The following ADGRE3 variants were observed in gnomAD, a reference collection of about 807,000 sequenced individuals.
ADGRE3 encodes the protein EGF-like module receptor 3.
A neutral mutation model predicts 80.1 loss-of-function variants in ADGRE3; 88 were observed. The observed-to-expected ratio is 1.10, with a 90% CI of 0.93 to 1.31. ADGRE3 has a LOEUF of 1.31. ADGRE3 is among the 40% of genes most tolerant of loss of function. The pLI, the probability that ADGRE3 is intolerant of heterozygous loss-of-function variation, is 0.00. For missense variants in ADGRE3, 715 were observed against 776.5 expected (o/e 0.92, Z 0.94); for synonymous variants, 281 against 294.8 (o/e 0.95, Z 0.48).
chr19:14,637,880 G>A (rs753027949), intron 11 of ADGRE3, among the ~76,000 whole-genome samples: 18 of 151,908 alleles, frequency 1.2e-4, no homozygotes, highest in South Asian at 2.1e-4. Context: ...GGATTGGTAC[G>A]TTACTGTGCA....
At chr19:14,641,739 G>A in intron 9 of ADGRE3, 123 bp from the exon 10 acceptor site, 1 of 1,181,378 alleles carries the variant, frequency 8.5e-7, no homozygotes, top group Non-Finnish European at 1.2e-6. Context: ...CCGTTAGACT[G>A]CTAATGTAGA....
In ADGRE3 at chr19:14,625,480, TG is replaced by T. The variant is rs1299694338; in HGVS notation, c.1920+11del. On this transcript the variant is annotated intron_variant, in intron 15 of 15. Coordinates refer to ENST00000253673, the MANE Select transcript of ADGRE3 (RefSeq NM_032571.5). Reference sequence around the variant, plus strand: ...ATGTAAAACATTAGAACAATTCAGATGTTTCACTTACCTCACTGGGTTTTGA... The same window carrying T: ...ATGTAAAACATTAGAACAATTCAGATTTTCACTTACCTCACTGGGTTTTGA... 2 of 1,496,272 alleles carry T rather than the reference TG, an allele frequency of 1.3e-6. No individual in the cohort carries two copies. Among genetic ancestry groups the T allele is most frequent in the African/African-American group, 1.4e-5 (1 of 69,514 alleles). The allele number at this position is 1,496,272 out of a possible 1,614,324, so 92.7% of individuals were successfully genotyped here. A position where few individuals can be genotyped will look rare whatever the true frequency, so the allele number is the denominator to read the frequency against.
chr19:14,663,891 C>T (rs998686395), intron 2 of ADGRE3, among the ~76,000 whole-genome samples: 2 of 152,218 alleles, frequency 1.3e-5, no homozygotes, highest in South Asian at 2.1e-4. Flanking sequence ...CGTTGGTTTG[C>T]TGCACCCATT....
rs1568500806 is a variant in ADGRE3, at chr19:14,665,953, T to TGC, written c.77-2414_77-2413insGC. On this transcript the variant is annotated intron_variant, in intron 2 of 15. Transcript: ENST00000253673. Reference sequence around the variant, plus strand: ...ACATATGTGTATATATATATATATATATATATATATATATATATATATATA... The same window carrying TGC: ...ACATATGTGTATATATATATATATATGCATATATATATATATATATATATATA... Among the ~76,000 whole-genome samples, 25 of 119,302 alleles carry TGC rather than the reference T, an allele frequency of 2.1e-4. No homozygotes were observed. The East Asian group carries it at 4.2e-3, about 20-fold the overall frequency. 78.3% of individuals were successfully genotyped at this position (119,302 alleles called of 152,430 possible).
At position 14,644,205 on chromosome 19, in the gene ADGRE3, C is replaced by G. The variant is rs757578330; in HGVS notation, c.953G>C (p.Arg318Thr). 1 of 1,608,228 alleles carries G rather than the reference C, an allele frequency of 6.2e-7. No individual in the cohort carries two copies. The highest frequency in any genetic ancestry group is 8.5e-7 in the Non-Finnish European group (1 of 1,177,232). Residue 318 changes from arginine to threonine, a missense_variant, in exon 9 of 16, where the codon AGG (arginine) becomes ACG (threonine). Arg to Thr is a moderately conservative substitution (Grantham distance 71). Coordinates refer to ENST00000253673, the MANE Select transcript of ADGRE3 (RefSeq NM_032571.5). ...KSTGQGSQWS[R>T]DGCFLIHVNK... is the part of the protein sequence containing the mutation. ...CACGTGTATCAGGAAGCAGCCATCC[C>G]TGGACCACTGGCTGCCCTGCCCTGT...
chr19:14,607,038 G>A, the ADGRE3 span: 2 of 1,349,556 alleles, frequency 1.5e-6, no homozygotes, highest in Non-Finnish European at 1.9e-6. Flanking sequence ...GTACTGGCTG[G>A]GGCTGAATGA....
chr19:14,668,867 A>G lies in ADGRE3; in HGVS notation c.26-15T>C, dbSNP rs986367619. ...AAAGCAGAGGCCTGGAATAGATGGGAAACAGAAGGGAGAGACATGAAACAA... is the reference window on the plus strand; with the variant it reads ...AAAGCAGAGGCCTGGAATAGATGGGGAACAGAAGGGAGAGACATGAAACAA... On this transcript the variant is annotated splice_polypyrimidine_tract_variant and intron_variant, in intron 1 of 15. Coordinates refer to ENST00000253673, the MANE Select transcript of ADGRE3 (RefSeq NM_032571.5). 1 of 1,613,404 alleles carries G rather than the reference A, an allele frequency of 6.2e-7. No homozygotes were observed. Among genetic ancestry groups the G allele is most frequent in the Non-Finnish European group, 8.5e-7 (1 of 1,179,532 alleles).
At chr19:14,653,075 C>T (rs370571799) in intron 6 of ADGRE3, among the ~76,000 whole-genome samples, 113 of 151,646 alleles carry the variant, frequency 7.5e-4, no homozygotes, top group African/African-American at 2.7e-3. Context: ...CTCTGTCCCC[C>T]GGGTTCAAGC....
downstream of ADGRE3, among the ~76,000 whole-genome samples, chr19:14,618,592 C>T (rs1792420307): frequency 6.8e-6 from 1 of 147,242 alleles, no homozygotes. Context: ...CACGGTGGCT[C>T]ATGCCTGTAA....
chr19:14,610,347 G>C, the ADGRE3 span: 44 of 1,095,848 alleles, frequency 4.0e-5, no homozygotes, highest in African/African-American at 5.2e-4. Context: ...AGTTCCCAGG[G>C]GTGCAAGTCA....
intron 1 of ADGRE3, among the ~76,000 whole-genome samples, chr19:14,673,508 A>G (rs537866179): frequency 6.6e-6 from 1 of 152,306 alleles, no homozygotes; most frequent in South Asian, 2.1e-4. Flanking sequence ...AGATCCCAGT[A>G]AGGATCCTGT....
chr19:14,615,202 CTTTTTTTT>C (rs34167082), downstream of ADGRE3, among the ~76,000 whole-genome samples: 2 of 65,632 alleles, frequency 3.0e-5, no homozygotes, highest in African/African-American at 1.1e-4. Flanking sequence ...CAGCTGCCTT[CTTTTTTTT>C]TTTTTTTTTT....
the ADGRE3 span, among the ~76,000 whole-genome samples, chr19:14,608,458 A>C: frequency 6.6e-6 from 1 of 152,036 alleles, no homozygotes; most frequent in Admixed American, 6.6e-5. Context: ...AGGCTTGGCC[A>C]GACAGGGACA....
At chr19:14,637,978 G>C (rs185278584) in intron 11 of ADGRE3, 127 bp downstream of exon 11, 62 of 699,122 alleles carry the variant, frequency 8.9e-5, no homozygotes, top group Non-Finnish European at 1.4e-4. Flanking sequence ...TGGGAAAGAG[G>C]TTAGAGCTGT....
chr19:14,633,933 C>T (rs1261472031), intron 11 of ADGRE3, among the ~76,000 whole-genome samples: 3 of 151,630 alleles, frequency 2.0e-5, no homozygotes, highest in African/African-American at 7.3e-5. Flanking sequence ...TGCACCACCA[C>T]ACCCGGCTAA....
At chr19:14,638,486 A>G in intron 10 of ADGRE3, 146 bp from the exon 11 acceptor site, 1 of 621,108 alleles carries the variant, frequency 1.6e-6, no homozygotes, top group Non-Finnish European at 2.9e-6. Flanking sequence ...GCAGTGGCTC[A>G]TGTCTGTAAT....
intron 13 of ADGRE3, among the ~76,000 whole-genome samples, chr19:14,631,601 ATATATGTATAGAATATAT>A (rs1338755337): frequency 1.3e-5 from 2 of 151,614 alleles, no homozygotes; most frequent in African/African-American, 2.4e-5. Context: ...ACATTGTGTT[ATATATGTATAGAATATAT>A]TATATGTGTA....
intron 15 of ADGRE3, among the ~76,000 whole-genome samples, chr19:14,619,932 G>A (rs1161897866): frequency 6.6e-6 from 1 of 152,180 alleles, no homozygotes; most frequent in Non-Finnish European, 1.5e-5. Context: ...AAGCCTATGA[G>A]GTTAGTGCTT....
chr19:14,627,420 C>G (rs1970764268), intron 14 of ADGRE3, among the ~76,000 whole-genome samples: 5 of 152,122 alleles, frequency 3.3e-5, no homozygotes, highest in Admixed American at 3.3e-4. Context: ...CTCTGTTGCT[C>G]AGGCTGGAAT....
Sources: gnomAD v4.1 joint callset for allele counts (sites outside exome capture counted in the v4.1 genomes callset) on GRCh38, gnomAD v4.1.1 for gene constraint, MANE v1.5 for transcripts, NCBI Gene and HGNC (gene_info 2026-07-23, HGNC 2026-07-21) for gene names.